The following SAMD12 variants were observed in gnomAD, a reference collection of about 807,000 sequenced individuals.
SAMD12 encodes the protein sterile alpha motif domain containing 12.
A neutral mutation model predicts 15.0 loss-of-function variants in SAMD12; 9 were observed. The observed-to-expected ratio is 0.60, with a 90% CI of 0.36 to 1.05. The LOEUF (loss-of-function observed/expected upper bound fraction) is 1.05. Ranked by LOEUF, SAMD12 falls within the 50% of genes least tolerant of loss-of-function variation. SAMD12 has a pLI of 0.01. For missense variants in SAMD12, 230 were observed against 234.2 expected (o/e 0.98, Z 0.12); for synonymous variants, 86 against 90.1 (o/e 0.96, Z 0.25).
chr8:118,247,561 A>G (rs968991537), intron 4 of SAMD12, among the ~76,000 whole-genome samples: 2 of 151,906 alleles, frequency 1.3e-5, no homozygotes, highest in Non-Finnish European at 2.9e-5. Context: ...ATTAAAAATA[A>G]AAAAAACTTT....
chr8:118,373,347 T>C (rs1819205427), downstream of SAMD12, among the ~76,000 whole-genome samples: 1 of 152,112 alleles, frequency 6.6e-6, no homozygotes, highest in Non-Finnish European at 1.5e-5. Flanking sequence ...TATTGCTCCA[T>C]TCTACAAAGA....
chr8:118,442,956 C>CG (rs1166126999), intron 2 of SAMD12, among the ~76,000 whole-genome samples: 7 of 152,146 alleles, frequency 4.6e-5, no homozygotes, highest in Non-Finnish European at 8.8e-5. Flanking sequence ...AGCTGGGCTT[C>CG]AGGTGGAGAT....
At chr8:118,165,925 G>A in the SAMD12 span, among the ~76,000 whole-genome samples, 583 of 151,998 alleles carry the variant, frequency 3.8e-3, 4 homozygotes, top group Non-Finnish European at 7.3e-3. Flanking sequence ...AAAAAGGTCC[G>A]CTTTTTTGTG....
intron 1 of SAMD12, among the ~76,000 whole-genome samples, chr8:118,584,085 G>C (rs1445184606): frequency 6.6e-6 from 1 of 152,134 alleles, no homozygotes; most frequent in Non-Finnish European, 1.5e-5. Flanking sequence ...CAAAATGTAA[G>C]GTATCTATAA....
At chr8:118,458,524 T>TTAAGTG (rs1823324017) in intron 2 of SAMD12, among the ~76,000 whole-genome samples, 1 of 152,182 alleles carries the variant, frequency 6.6e-6, no homozygotes, top group Non-Finnish European at 1.5e-5. Flanking sequence ...TCAGAGAGAA[T>TTAAGTG]CAAGTGCAGG....
At chr8:118,490,030 T>C (rs2515045) in intron 2 of SAMD12, among the ~76,000 whole-genome samples, 67,663 of 151,942 alleles carry the variant, frequency 0.45, 15,514 homozygotes, top group East Asian at 0.63. Context: ...ACAGCCCCTG[T>C]CTATAGAAAA....
intron 1 of SAMD12, 115 bp downstream of exon 1, chr8:118,621,689 G>T: frequency 8.2e-7 from 1 of 1,220,456 alleles, no homozygotes; most frequent in Non-Finnish European, 1.2e-6. Context: ...GAAGGGGCCC[G>T]CTCTCCGCCA....
chr8:118,514,272 A>G (rs1825168093), intron 2 of SAMD12, among the ~76,000 whole-genome samples: 1 of 152,224 alleles, frequency 6.6e-6, no homozygotes. Context: ...ATAGTGCCAT[A>G]TGTTTACAAA....
chr8:118,369,858 T>A (rs1265583840), intron 4 of SAMD12, among the ~76,000 whole-genome samples: 3 of 152,134 alleles, frequency 2.0e-5, no homozygotes, highest in Non-Finnish European at 4.4e-5. Flanking sequence ...GACATAGGCA[T>A]GGGCAAAGAT....
At chr8:118,474,716 G>T (rs1308049425) in intron 2 of SAMD12, among the ~76,000 whole-genome samples, 1 of 151,956 alleles carries the variant, frequency 6.6e-6, no homozygotes, top group African/African-American at 2.4e-5. Context: ...GTTTTTCCAT[G>T]TATTAATTCA....
exon 5 of SAMD12, chr8:118,193,551 T>G (rs762438250): frequency 1.3e-5 from 2 of 152,184 alleles, no homozygotes; most frequent in African/African-American, 2.4e-5. Flanking sequence ...CTTCCTGATC[T>G]CAGGGCTGCA....
chr8:118,611,526 T>C (rs908567258), intron 1 of SAMD12, among the ~76,000 whole-genome samples: 2 of 152,118 alleles, frequency 1.3e-5, no homozygotes, highest in African/African-American at 4.8e-5. Context: ...AGTTTCACCT[T>C]CTCTTCCACC....
intron 2 of SAMD12, among the ~76,000 whole-genome samples, chr8:118,566,043 C>G (rs1586823272): frequency 6.6e-6 from 1 of 152,222 alleles, no homozygotes; most frequent in East Asian, 1.9e-4. Context: ...CTCTGCGGAG[C>G]AGCTAGAGTC....
At chr8:118,394,096 C>A (rs533087263) in intron 3 of SAMD12, among the ~76,000 whole-genome samples, 3 of 152,288 alleles carry the variant, frequency 2.0e-5, no homozygotes, top group African/African-American at 7.2e-5. Flanking sequence ...GCTGAAGAGA[C>A]AATACAAACA....
the SAMD12 span, among the ~76,000 whole-genome samples, chr8:118,179,604 C>T: frequency 3.9e-5 from 6 of 152,192 alleles, no homozygotes; most frequent in Non-Finnish European, 8.8e-5. Context: ...TTCCTTTTCT[C>T]TTTCCTCCTG....
chr8:118,358,547 C>T (rs1016846820), intron 4 of SAMD12, among the ~76,000 whole-genome samples: 2 of 152,158 alleles, frequency 1.3e-5, no homozygotes, highest in Non-Finnish European at 2.9e-5. Context: ...TTACCATTAT[C>T]TTCTGCTTCT....
intron 4 of SAMD12, among the ~76,000 whole-genome samples, chr8:118,297,822 GA>G (rs28365510): frequency 6.6e-6 from 1 of 151,766 alleles, no homozygotes; most frequent in Non-Finnish European, 1.5e-5. Context: ...AATAATTTTT[GA>G]AAAAAATAAT....
At chr8:118,546,563 T>G (rs985951278) in intron 2 of SAMD12, among the ~76,000 whole-genome samples, 1 of 152,188 alleles carries the variant, frequency 6.6e-6, no homozygotes, top group African/African-American at 2.4e-5. Flanking sequence ...TACTTTAAAT[T>G]TAAATGTTTA....
intron 2 of SAMD12, among the ~76,000 whole-genome samples, chr8:118,508,896 T>G (rs1391285916): frequency 6.6e-6 from 1 of 151,580 alleles, no homozygotes; most frequent in East Asian, 1.9e-4. Flanking sequence ...AACTTTAATG[T>G]TACAACATGA....
Sources: gnomAD v4.1 joint callset for allele counts (sites outside exome capture counted in the v4.1 genomes callset) on GRCh38, gnomAD v4.1.1 for gene constraint, MANE v1.5 for transcripts, NCBI Gene and HGNC (gene_info 2026-07-23, HGNC 2026-07-21) for gene names.